FBXW10B: variants seen among roughly 807,000 people sequenced by gnomAD.
The protein encoded by FBXW10B is F-box and WD repeat domain containing 10B, also known as F-box and WD repeat domain containing protein 10B.
At chr17:15,615,952 G>A in the FBXW10B span, 1 of 1,332,578 alleles carries the variant, frequency 7.5e-7, no homozygotes, top group African/African-American at 1.5e-5. Context: ...GTTTTTATTT[G>A]GGGCCTCCAA....
chr17:15,566,524 G>A, the FBXW10B span, among the ~76,000 whole-genome samples: 1 of 150,966 alleles, frequency 6.6e-6, no homozygotes, highest in East Asian at 2.0e-4. Context: ...TAGAAATGCT[G>A]ATACTAGAAA....
the FBXW10B span, among the ~76,000 whole-genome samples, chr17:15,603,465 G>A: frequency 2.0e-5 from 3 of 152,014 alleles, no homozygotes; most frequent in Non-Finnish European, 4.4e-5. Context: ...ATGAAAAGGT[G>A]TTCAACTTCA....
At chr17:15,599,511 G>A in the FBXW10B span, among the ~76,000 whole-genome samples, 1 of 141,028 alleles carries the variant, frequency 7.1e-6, no homozygotes, top group South Asian at 2.5e-4. Context: ...CTTGATCAGT[G>A]TCAGGTGGTT....
At chr17:15,592,997 G>A in the FBXW10B span, among the ~76,000 whole-genome samples, 8 of 145,224 alleles carry the variant, frequency 5.5e-5, no homozygotes, top group Non-Finnish European at 1.2e-4. Flanking sequence ...CCAGCTACTC[G>A]GGAGGCTGAG....
chr17:15,588,114 T>C, the FBXW10B span, among the ~76,000 whole-genome samples: 1 of 152,222 alleles, frequency 6.6e-6, no homozygotes, highest in Non-Finnish European at 1.5e-5. Flanking sequence ...ATTATCATTG[T>C]AGAGTTTTAG....
chr17:15,605,504 C>A, the FBXW10B span: 7 of 1,259,362 alleles, frequency 5.6e-6, no homozygotes, highest in African/African-American at 8.0e-5. Flanking sequence ...ATGACTTTTG[C>A]CTACAGCAGT....
chr17:15,593,914 C>T, the FBXW10B span, among the ~76,000 whole-genome samples: 1 of 152,064 alleles, frequency 6.6e-6, no homozygotes, highest in Non-Finnish European at 1.5e-5. Flanking sequence ...CAGGCATGCG[C>T]CACCATGCCC....
the FBXW10B span, among the ~76,000 whole-genome samples, chr17:15,567,088 G>T: frequency 6.6e-6 from 1 of 150,830 alleles, no homozygotes; most frequent in African/African-American, 2.4e-5. Context: ...TGGCTAACAC[G>T]GTGAAACCCC....
At chr17:15,575,223 T>C in the FBXW10B span, among the ~76,000 whole-genome samples, 1 of 148,156 alleles carries the variant, frequency 6.7e-6, no homozygotes, top group African/African-American at 2.6e-5. Context: ...CTAACACTTA[T>C]TTTGGAATGT....
the FBXW10B span, chr17:15,615,469 C>T: frequency 5.9e-3 from 4,838 of 817,146 alleles, 30 homozygotes; most frequent in Middle Eastern, 0.018. Flanking sequence ...CCTGCCACTG[C>T]GCCCGGCTAA....
At chr17:15,610,087 C>A in the FBXW10B span, among the ~76,000 whole-genome samples, 1 of 152,046 alleles carries the variant, frequency 6.6e-6, no homozygotes, top group Non-Finnish European at 1.5e-5. Flanking sequence ...GCCTTGAACT[C>A]CTGACCTCAG....
chr17:15,585,810 T>C, the FBXW10B span, among the ~76,000 whole-genome samples: 1 of 152,280 alleles, frequency 6.6e-6, no homozygotes, highest in East Asian at 1.9e-4. Context: ...CCATGAGCTT[T>C]GCTCTTGATC....
chr17:15,591,165 C>T, the FBXW10B span, among the ~76,000 whole-genome samples: 1,242 of 152,314 alleles, frequency 8.2e-3, 23 homozygotes, highest in African/African-American at 0.028. Flanking sequence ...CTGGAGTTGC[C>T]TCCCCGGAGG....
chr17:15,596,128 C>T, the FBXW10B span, among the ~76,000 whole-genome samples: 5 of 152,126 alleles, frequency 3.3e-5, no homozygotes, highest in East Asian at 1.9e-4. Flanking sequence ...CCTCATGATC[C>T]GCCTGCCTCA....
At chr17:15,600,384 A>G in the FBXW10B span, among the ~76,000 whole-genome samples, 6 of 147,584 alleles carry the variant, frequency 4.1e-5, no homozygotes, top group Admixed American at 2.8e-4. Flanking sequence ...AGAGCCTACA[A>G]TGCAGCCACA....
the FBXW10B span, among the ~76,000 whole-genome samples, chr17:15,599,657 G>A: frequency 0.2 from 29,155 of 145,536 alleles, 3,325 homozygotes; most frequent in East Asian, 0.33. Context: ...GCACATATAG[G>A]GCATATCTAA....
chr17:15,579,924 G>T, the FBXW10B span, among the ~76,000 whole-genome samples: 1 of 151,290 alleles, frequency 6.6e-6, no homozygotes, highest in Admixed American at 6.6e-5. Context: ...TTAAAAAGGA[G>T]AAAAAAATAA....
At chr17:15,581,538 G>A in the FBXW10B span, among the ~76,000 whole-genome samples, 10 of 151,872 alleles carry the variant, frequency 6.6e-5, no homozygotes, top group Admixed American at 6.6e-4. Context: ...TCTGCTAATT[G>A]ATAACAGAGC....
chr17:15,576,802 G>A, the FBXW10B span, among the ~76,000 whole-genome samples: 2 of 150,322 alleles, frequency 1.3e-5, no homozygotes, highest in Non-Finnish European at 2.9e-5. Context: ...TGGAATTGGG[G>A]TCAGTCAATA....
Sources: allele counts gnomAD v4.1 joint callset (sites outside exome capture counted in the v4.1 genomes callset), GRCh38; gene constraint gnomAD v4.1.1; transcripts MANE v1.5; gene names NCBI Gene and HGNC (gene_info 2026-07-23, HGNC 2026-07-21).